KIAA1671: variants seen among roughly 807,000 people sequenced by gnomAD.
The protein encoded by KIAA1671 is uncharacterized protein KIAA1671.
In KIAA1671, 52 loss-of-function variants were observed where a neutral mutation model predicts 131.2. The observed-to-expected ratio is 0.40, with a 90% CI of 0.32 to 0.50. KIAA1671 has a LOEUF of 0.50. KIAA1671 is among the 20% of genes least tolerant of loss of function. The probability of loss-of-function intolerance (pLI) is 0.73; values close to 1 mark genes in which losing one functional copy is unlikely to be tolerated. For synonymous variants in KIAA1671, 1,003 were observed against 961.6 expected, an observed-to-expected ratio of 1.04 and a Z score of -0.80; for missense variants, 2,360 against 2,364.2, an observed-to-expected ratio of 1.00 and a Z score of 0.04.
intron 6 of KIAA1671, among the ~76,000 whole-genome samples, chr22:25,116,276 T>C (rs1421732816): frequency 1.3e-5 from 2 of 150,660 alleles, no homozygotes; most frequent in African/African-American, 4.9e-5. Context: ...TCCTGCTATG[T>C]TGCCCAGGCT....
At chr22:25,070,269 A>G (rs1280930179) in intron 6 of KIAA1671, 1 of 413,472 alleles carries the variant, frequency 2.4e-6, no homozygotes, top group Non-Finnish European at 4.4e-6. Context: ...GCCGCCTTGA[A>G]CTTGACTCCA....
intron 6 of KIAA1671, among the ~76,000 whole-genome samples, chr22:25,103,972 CTTT>C (rs1930852495): frequency 6.6e-6 from 1 of 152,076 alleles, no homozygotes; most frequent in Non-Finnish European, 1.5e-5. Flanking sequence ...GTACCACCTT[CTTT>C]TTTGTTTGTT....
At chr22:25,109,069 T>C (rs184687019) in intron 6 of KIAA1671, among the ~76,000 whole-genome samples, 1 of 152,144 alleles carries the variant, frequency 6.6e-6, no homozygotes, top group East Asian at 1.9e-4. Context: ...GTAGAAACCA[T>C]GATGCCTTTT....
intron 1 of KIAA1671, among the ~76,000 whole-genome samples, chr22:25,001,237 A>G (rs199619842): frequency 2.7e-5 from 3 of 112,760 alleles, no homozygotes; most frequent in East Asian, 5.7e-4. Flanking sequence ...GTGTGTGTAT[A>G]TGTGTGTGTG....
intron 6 of KIAA1671, chr22:25,063,482 TC>T (rs1358322065): frequency 6.6e-6 from 1 of 152,128 alleles, no homozygotes; most frequent in East Asian, 1.9e-4. Context: ...TATTATATGT[TC>T]TCACTTACAA....
In KIAA1671 at chr22:25,029,608, G is replaced by A. The variant is rs2145789130; in HGVS notation, c.1541+68G>A. 3.3e-6 allele frequency: 4 copies of A among 1,206,826 alleles called. No individual in the cohort carries two copies. In the East Asian group the frequency reaches 1.0e-4, roughly 31 times the overall value. The allele number at this position is 1,206,826 out of a possible 1,614,324, so 74.8% of individuals were successfully genotyped here. On this transcript the variant is annotated intron_variant, in intron 3 of 12. Transcript: ENST00000358431. Reference sequence around the variant, plus strand: ...ACACACCCTGAGGAAGACGGAACCAGGCTCCATGCTGGGCACTTGTCACCC... The same window carrying A: ...ACACACCCTGAGGAAGACGGAACCAAGCTCCATGCTGGGCACTTGTCACCC...
intron 6 of KIAA1671, among the ~76,000 whole-genome samples, chr22:25,155,534 T>C (rs1336864121): frequency 1.3e-5 from 2 of 151,222 alleles, no homozygotes; most frequent in African/African-American, 4.9e-5. Context: ...GTGTTGTCTA[T>C]TTTTTGTGTA....
Position 25,028,719 on chromosome 22 carries a change from A to G in KIAA1671, c.720A>G (p.Arg240=). ...PLVEPRPRLK[R]RPVSAIFTES... ...TGGAGCCCAGGCCTCGCCTGAAGAG[A>G]AGGCCCGTGTCTGCCATTTTCACGG... Residue 240 remains arginine, a synonymous_variant, in exon 3 of 13, where the codon AGA becomes AGG. Transcript: ENST00000358431. 2 of 1,551,274 alleles carry G rather than the reference A, an allele frequency of 1.3e-6. No homozygotes were observed. Among genetic ancestry groups the G allele is most frequent in the Non-Finnish European group, 1.7e-6 (2 of 1,147,004 alleles).
At chr22:24,998,087 A>AT (rs1243602212) in intron 1 of KIAA1671, among the ~76,000 whole-genome samples, 11 of 152,194 alleles carry the variant, frequency 7.2e-5, no homozygotes, top group Admixed American at 7.2e-4. Context: ...TAAACCCATC[A>AT]TAAGTCAAAA....
In KIAA1671 at chr22:24,963,129, C is replaced by T. The variant is rs932943847; in HGVS notation, c.-208+10357C>T. On this transcript the variant is annotated intron_variant, in intron 1 of 12. Coordinates refer to ENST00000358431, the MANE Select transcript of KIAA1671 (RefSeq NM_001145206.2). ...AAAAATGTGTCATGCATTGGGAGGC[C>T]GAGGCGGGCGGATCACCTGAGGTCA... 2.0e-5 allele frequency among the ~76,000 whole-genome samples: 3 copies of T among 151,904 alleles called. No homozygotes were observed. The South Asian group carries it at 6.2e-4, about 32-fold the overall frequency.
At chr22:24,986,279 TC>T in intron 1 of KIAA1671, among the ~76,000 whole-genome samples, 1 of 152,132 alleles carries the variant, frequency 6.6e-6, no homozygotes, top group East Asian at 1.9e-4. Flanking sequence ...TAGTCAGTCT[TC>T]CCTCGGTATC....
At chr22:25,102,867 AC>A (rs1215541237) in intron 6 of KIAA1671, 1 of 152,632 alleles carries the variant, frequency 6.6e-6, no homozygotes, top group African/African-American at 2.4e-5. Context: ...TGCAGGCCTT[AC>A]GCGGAAGCCC....
chr22:25,044,401 G>T (rs905752774), intron 5 of KIAA1671, among the ~76,000 whole-genome samples: 1 of 152,206 alleles, frequency 6.6e-6, no homozygotes, highest in Admixed American at 6.5e-5. Context: ...ACTTATGTTT[G>T]CCAGCACCTT....
intron 6 of KIAA1671, among the ~76,000 whole-genome samples, chr22:25,163,041 T>G (rs549892303): frequency 1.3e-5 from 2 of 152,272 alleles, no homozygotes; most frequent in East Asian, 3.9e-4. Context: ...AAAAAAATTT[T>G]TTTTGGCCTG....
At chr22:25,038,713 A>C in intron 4 of KIAA1671, 47 bp from the exon 5 acceptor site, 1 of 1,479,816 alleles carries the variant, frequency 6.8e-7, no homozygotes, top group Non-Finnish European at 9.0e-7. Flanking sequence ...TTCCATCTCA[A>C]ATCCTTAAAC....
intron 6 of KIAA1671, among the ~76,000 whole-genome samples, chr22:25,147,482 C>T (rs1453956821): frequency 2.0e-5 from 3 of 152,130 alleles, no homozygotes; most frequent in African/African-American, 4.8e-5. Flanking sequence ...TGTGAGCCAC[C>T]GCACCTGGCC....
At chr22:25,125,254 G>A (rs1458149808) in intron 6 of KIAA1671, among the ~76,000 whole-genome samples, 1 of 152,128 alleles carries the variant, frequency 6.6e-6, no homozygotes, top group Non-Finnish European at 1.5e-5. Flanking sequence ...GGGAAATTAA[G>A]GCTTAAAGAG....
chr22:24,972,460 G>C (rs966428452), intron 1 of KIAA1671, among the ~76,000 whole-genome samples: 3 of 151,974 alleles, frequency 2.0e-5, no homozygotes, highest in Non-Finnish European at 4.4e-5. Flanking sequence ...ATGCATGCAC[G>C]CATGCATGCA....
At chr22:25,155,437 G>C (rs1933197893) in intron 6 of KIAA1671, among the ~76,000 whole-genome samples, 1 of 151,752 alleles carries the variant, frequency 6.6e-6, no homozygotes, top group Admixed American at 6.6e-5. Flanking sequence ...GTGTGGGGGG[G>C]TTTTTGTAGG....
Sources: gnomAD v4.1 joint callset for allele counts (sites outside exome capture counted in the v4.1 genomes callset) on GRCh38, gnomAD v4.1.1 for gene constraint, MANE v1.5 for transcripts, NCBI Gene and HGNC (gene_info 2026-07-23, HGNC 2026-07-21) for gene names.